COTL1: variants seen among roughly 807,000 people sequenced by gnomAD.
COTL1 encodes coactosin-like protein.
COTL1 carries 15 observed loss-of-function variants against 16.5 expected under a neutral mutation model. The ratio of observed to expected loss-of-function variants is 0.91; its 90% confidence interval spans 0.61 to 1.40. The LOEUF (loss-of-function observed/expected upper bound fraction) is 1.40, where lower values mean the gene tolerates loss of function less well. COTL1 is among the 40% of genes most tolerant of loss of function. The probability of loss-of-function intolerance (pLI) is 0.00; values close to 1 mark genes in which losing one functional copy is unlikely to be tolerated. For missense variants in COTL1, 220 were observed against 201.5 expected, an observed-to-expected ratio of 1.09 and a Z score of -0.56; for synonymous variants, 112 against 85.3, an observed-to-expected ratio of 1.31 and a Z score of -1.73.
intron 2 of COTL1, among the ~76,000 whole-genome samples, chr16:84,600,638 G>A (rs571314815): frequency 6.6e-5 from 10 of 152,294 alleles, no homozygotes; most frequent in South Asian, 4.1e-4. Context: ...TATGTGATCC[G>A]CATTGTGTGG....
intron 3 of COTL1, among the ~76,000 whole-genome samples, chr16:84,589,453 G>T (rs1459479707): frequency 3.3e-5 from 5 of 152,156 alleles, no homozygotes; most frequent in East Asian, 1.9e-4. Context: ...GTTTAAAGGC[G>T]CAGTAAGAGG....
At chr16:84,579,802 T>C (rs1904538980) in intron 3 of COTL1, among the ~76,000 whole-genome samples, 1 of 152,036 alleles carries the variant, frequency 6.6e-6, no homozygotes, top group East Asian at 1.9e-4. Flanking sequence ...TATGCAGTGG[T>C]CCAGGGAAGA....
Position 84,593,706 on chromosome 16 carries a change from T to C in COTL1, c.161-3444A>G, listed in dbSNP as rs559006444. ...TTTTGTATTTTTAGTAGAGACGGGG[T>C]TTCACCGTGGTCTTGATCTCCTGAC... On this transcript the variant is annotated intron_variant, in intron 2 of 3. Coordinates refer to ENST00000262428, the MANE Select transcript of COTL1 (RefSeq NM_021149.5). 3.7e-4 allele frequency among the ~76,000 whole-genome samples: 57 copies of C among 152,032 alleles called. 1 individual carries two copies. In the East Asian group the frequency reaches 0.01, roughly 28 times the overall value.
At position 84,572,978 on chromosome 16, in the gene COTL1, T is replaced by C. The variant is rs188542273; in HGVS notation, c.319-6023A>G. 1.5e-3 allele frequency among the ~76,000 whole-genome samples: 233 copies of C among 151,896 alleles called. 1 individual carries two copies. Among genetic ancestry groups the C allele is most frequent in the African/African-American group, 5.3e-3 (221 of 41,412 alleles). The stretch of plus-strand genomic sequence containing the variant: ...CATGTTGCCCAGGCTGGTCTCAAAC[T>C]CCTGAGATGAAGTGATCCACTGACC... On this transcript the variant is annotated intron_variant, in intron 3 of 3. Transcript: ENST00000262428.
intron 2 of COTL1, among the ~76,000 whole-genome samples, chr16:84,613,827 C>T (rs996930473): frequency 4.4e-4 from 67 of 151,852 alleles, no homozygotes; most frequent in African/African-American, 1.5e-3. Flanking sequence ...GGGGCTGCCC[C>T]GCCCCCCACC....
chr16:84,581,069 G>T (rs1904577746), intron 3 of COTL1, among the ~76,000 whole-genome samples: 1 of 151,792 alleles, frequency 6.6e-6, no homozygotes, highest in Admixed American at 6.6e-5. Flanking sequence ...CTGAACCCAG[G>T]AGACGGAGGC....
At chr16:84,602,105 A>C (rs1470075900) in intron 2 of COTL1, among the ~76,000 whole-genome samples, 1 of 152,102 alleles carries the variant, frequency 6.6e-6, no homozygotes, top group Non-Finnish European at 1.5e-5. Flanking sequence ...ACATGTACTC[A>C]ATACATACTT....
chr16:84,613,908 C>G (rs1215825817), intron 2 of COTL1, among the ~76,000 whole-genome samples: 1 of 151,978 alleles, frequency 6.6e-6, no homozygotes, highest in Non-Finnish European at 1.5e-5. Flanking sequence ...GGGATGGGCA[C>G]ATGACCTCAG....
At chr16:84,599,858 C>A (rs911976745) in intron 2 of COTL1, among the ~76,000 whole-genome samples, 2 of 152,208 alleles carry the variant, frequency 1.3e-5, no homozygotes, top group Non-Finnish European at 2.9e-5. Context: ...GGAAAGAATT[C>A]TTACATCCTG....
intron 3 of COTL1, among the ~76,000 whole-genome samples, chr16:84,572,585 C>G (rs1904357263): frequency 6.6e-6 from 1 of 152,150 alleles, no homozygotes; most frequent in Non-Finnish European, 1.5e-5. Flanking sequence ...CTCCGCCTTC[C>G]TAATAGCTAG....
chr16:84,612,903 G>C (rs1229124906), intron 2 of COTL1, among the ~76,000 whole-genome samples: 1 of 152,144 alleles, frequency 6.6e-6, no homozygotes, highest in Non-Finnish European at 1.5e-5. Context: ...TAAAAACTGA[G>C]GCACAGAGGG....
intron 3 of COTL1, among the ~76,000 whole-genome samples, chr16:84,580,010 G>A (rs748549646): frequency 2.0e-5 from 3 of 152,204 alleles, no homozygotes; most frequent in Non-Finnish European, 4.4e-5. Flanking sequence ...CCGTGCTAGC[G>A]ACTGTGTCGG....
chr16:84,617,938 C>A lies in COTL1; in HGVS notation c.-24G>T. ...ATCGCCGCGGAGCCGCAGCGGGACA[C>A]TGTCCGGGGCGGCCGAGCGCGCCCC... On this transcript the variant is annotated 5_prime_UTR_variant, in exon 1 of 4. Transcript: ENST00000262428. The A allele has an allele frequency of 1.3e-6, 2 of 1,521,042 alleles. No homozygotes were observed. The highest frequency in any genetic ancestry group is 1.8e-6 in the Non-Finnish European group (2 of 1,133,840). 94.2% of individuals were successfully genotyped at this position (1,521,042 alleles called of 1,614,324 possible). A position where few individuals can be genotyped will look rare whatever the true frequency, so the allele number is the denominator to read the frequency against.
intron 3 of COTL1, among the ~76,000 whole-genome samples, chr16:84,589,549 T>C (rs188784794): frequency 6.6e-6 from 1 of 152,196 alleles, no homozygotes; most frequent in East Asian, 1.9e-4. Flanking sequence ...CTCCCTCATC[T>C]ACCCTACCCC....
At chr16:84,592,136 CCCAGTTGAGAA>C in intron 2 of COTL1, among the ~76,000 whole-genome samples, 1 of 152,338 alleles carries the variant, frequency 6.6e-6, no homozygotes, top group African/African-American at 2.4e-5. Flanking sequence ...GCAGAACACC[CCCAGTTGAGAA>C]CCTCTGCTGT....
chr16:84,568,513 C>T (rs565177992), intron 3 of COTL1: 1 of 152,128 alleles, frequency 6.6e-6, no homozygotes, highest in African/African-American at 2.4e-5. Context: ...GGATGAACCT[C>T]GGAAACAGGA....
At chr16:84,615,853 T>TGTGTGTG (rs1905463717) in intron 2 of COTL1, among the ~76,000 whole-genome samples, 1 of 149,702 alleles carries the variant, frequency 6.7e-6, no homozygotes, top group Admixed American at 6.7e-5. Flanking sequence ...AATTTTAGTT[T>TGTGTGTG]TGTGTGTGTG....
chr16:84,571,340 G>A (rs1469478219), intron 3 of COTL1, among the ~76,000 whole-genome samples: 1 of 152,224 alleles, frequency 6.6e-6, no homozygotes, highest in Non-Finnish European at 1.5e-5. Context: ...CTGGGCCTTA[G>A]TATCACCATG....
chr16:84,595,917 T>TTA (rs1054731973), intron 2 of COTL1: 1 of 152,142 alleles, frequency 6.6e-6, no homozygotes, highest in Non-Finnish European at 1.5e-5. Flanking sequence ...TATGTGTGTG[T>TTA]TATATATATA....
Sources: allele counts gnomAD v4.1 joint callset (sites outside exome capture counted in the v4.1 genomes callset), GRCh38; gene constraint gnomAD v4.1.1; transcripts MANE v1.5; gene names NCBI Gene and HGNC (gene_info 2026-07-23, HGNC 2026-07-21).